Variants in ZDHHC14 observed in about 807,000 individuals in gnomAD.
ZDHHC14 encodes palmitoyltransferase ZDHHC14.
Under a neutral mutation model 47.7 loss-of-function variants are expected in ZDHHC14, and 16 were observed. The ratio of observed to expected loss-of-function variants is 0.34; its 90% CI spans 0.23 to 0.51. The LOEUF is 0.51. Among genes scored for constraint, ZDHHC14 ranks in the 20% least tolerant of loss-of-function variants. The pLI, the probability that ZDHHC14 is intolerant of heterozygous loss-of-function variation, is 0.97. For synonymous variants in ZDHHC14, 293 were observed against 278.9 expected (o/e 1.05, Z -0.50); for missense variants, 515 against 662.5 (o/e 0.78, Z 2.44).
intron 2 of ZDHHC14, among the ~76,000 whole-genome samples, chr6:157,592,343 T>C (rs905112636): frequency 2.4e-4 from 36 of 152,346 alleles, no homozygotes; most frequent in African/African-American, 8.4e-4. Context: ...TTTCAAAATA[T>C]ACATTTAATG....
intron 1 of ZDHHC14, among the ~76,000 whole-genome samples, chr6:157,496,374 C>CG (rs551683211): frequency 4.0e-5 from 6 of 151,518 alleles, no homozygotes; most frequent in Admixed American, 2.6e-4. Context: ...GGAAGTTAAC[C>CG]CCCCCCATGC....
intron 1 of ZDHHC14, among the ~76,000 whole-genome samples, chr6:157,492,206 G>GCCCCCCCCCCCCCC (rs954347593): frequency 1.2e-5 from 1 of 82,478 alleles, no homozygotes; most frequent in Non-Finnish European, 2.7e-5. Context: ...CTCCGCCCCC[G>GCCCCCCCCCCCCCC]CCCCCCAGCC....
chr6:157,547,430 G>A (rs184659975), intron 2 of ZDHHC14, among the ~76,000 whole-genome samples: 1 of 152,036 alleles, frequency 6.6e-6, no homozygotes, highest in African/African-American at 2.4e-5. Context: ...CAGGGACACA[G>A]TTCCACCCCA....
At chr6:157,588,639 G>A (rs530003129) in intron 2 of ZDHHC14, among the ~76,000 whole-genome samples, 26 of 152,324 alleles carry the variant, frequency 1.7e-4, no homozygotes, top group Admixed American at 5.2e-4. Context: ...AGTGCTCTGC[G>A]TGAAAACGCT....
At chr6:157,516,565 T>G (rs948564117) in intron 1 of ZDHHC14, among the ~76,000 whole-genome samples, 1 of 152,220 alleles carries the variant, frequency 6.6e-6, no homozygotes, top group African/African-American at 2.4e-5. Flanking sequence ...AATGAATGTC[T>G]TCATGAGGGA....
chr6:157,583,498 T>G (rs34898203), intron 2 of ZDHHC14, among the ~76,000 whole-genome samples: 43,025 of 152,010 alleles, frequency 0.28, 6,805 homozygotes, highest in East Asian at 0.51. Flanking sequence ...TGTTTTTTTT[T>G]TTGTTGGTTC....
chr6:157,392,308 C>T lies in ZDHHC14; in HGVS notation c.245+10042C>T, dbSNP rs113064836. Among the ~76,000 whole-genome samples the T allele has an allele frequency of 4.0e-3, 605 of 152,308 alleles. 3 individuals are homozygous for T. The highest frequency in any genetic ancestry group is 0.014 in the African/African-American group (593 of 41,560). ...AGTGAGGTACTTTATCATAGATCTT[C>T]ATCTCCTAGCTTAATTTGATGCTGA... On this transcript the variant is annotated intron_variant, in intron 1 of 8. Coordinates refer to ENST00000359775, the MANE Select transcript of ZDHHC14 (RefSeq NM_024630.3).
intron 3 of ZDHHC14, among the ~76,000 whole-genome samples, chr6:157,613,018 A>T (rs187872481): frequency 2.0e-5 from 3 of 152,122 alleles, no homozygotes; most frequent in African/African-American, 7.2e-5. Context: ...AGAAATGATC[A>T]TTTAAAAAAA....
intron 2 of ZDHHC14, among the ~76,000 whole-genome samples, chr6:157,557,033 C>T (rs923227352): frequency 2.6e-5 from 4 of 152,152 alleles, no homozygotes; most frequent in Non-Finnish European, 5.9e-5. Flanking sequence ...AGGGAAAGGC[C>T]GAGAGCCTGG....
At chr6:157,429,472 G>A (rs1488572261) in intron 1 of ZDHHC14, among the ~76,000 whole-genome samples, 1 of 151,886 alleles carries the variant, frequency 6.6e-6, no homozygotes, top group Admixed American at 6.6e-5. Context: ...TTCCTTGGGT[G>A]GGTATTGAGG....
chr6:157,467,999 C>T (rs999216698), intron 1 of ZDHHC14, among the ~76,000 whole-genome samples: 8 of 152,154 alleles, frequency 5.3e-5, no homozygotes, highest in Non-Finnish European at 1.2e-4. Context: ...TGTTATGTAG[C>T]ACTTTAGGCA....
At chr6:157,526,739 G>T (rs1214197126) in intron 1 of ZDHHC14, among the ~76,000 whole-genome samples, 1 of 152,216 alleles carries the variant, frequency 6.6e-6, no homozygotes, top group Admixed American at 6.5e-5. Context: ...GCCTACTTCA[G>T]CGACTGTGGG....
At chr6:157,517,427 C>T (rs1780736087) in intron 1 of ZDHHC14, among the ~76,000 whole-genome samples, 1 of 152,018 alleles carries the variant, frequency 6.6e-6, no homozygotes, top group Non-Finnish European at 1.5e-5. Flanking sequence ...TCTCCTGCCT[C>T]AGCCTCCCGA....
chr6:157,614,362 ATTT>A (rs11288647), intron 3 of ZDHHC14, among the ~76,000 whole-genome samples: 7 of 145,208 alleles, frequency 4.8e-5, no homozygotes, highest in Non-Finnish European at 6.1e-5. Context: ...TAGCTGACTG[ATTT>A]TTTTTTTTTT....
At chr6:157,438,854 TGGA>T (rs984098883) in intron 1 of ZDHHC14, among the ~76,000 whole-genome samples, 2 of 152,204 alleles carry the variant, frequency 1.3e-5, no homozygotes, top group African/African-American at 4.8e-5. Flanking sequence ...TGTTTGGCTG[TGGA>T]GGATTGCAGA....
chr6:157,530,457 G>A (rs546282423), intron 1 of ZDHHC14, among the ~76,000 whole-genome samples: 1 of 152,258 alleles, frequency 6.6e-6, no homozygotes, highest in Non-Finnish European at 1.5e-5. Flanking sequence ...AAAATGAATC[G>A]GCAGCCCCAA....
intron 3 of ZDHHC14, among the ~76,000 whole-genome samples, chr6:157,612,841 G>C (rs1259835449): frequency 1.4e-5 from 1 of 70,574 alleles, no homozygotes; most frequent in African/African-American, 6.1e-5. Flanking sequence ...TTCTCTCTTA[G>C]AGAAAAAAAA....
intron 1 of ZDHHC14, among the ~76,000 whole-genome samples, chr6:157,420,457 G>T (rs149596817): frequency 1.2e-3 from 181 of 151,376 alleles, no homozygotes; most frequent in African/African-American, 4.1e-3. Context: ...CTGAATCGAG[G>T]CACTAATGAA....
intron 1 of ZDHHC14, among the ~76,000 whole-genome samples, chr6:157,383,322 G>T (rs933377608): frequency 3.9e-5 from 6 of 152,144 alleles, no homozygotes; most frequent in African/African-American, 1.4e-4. Flanking sequence ...TTTATAGGGA[G>T]CTCTTCTTTG....
Sources: gnomAD v4.1 joint callset for allele counts (sites outside exome capture counted in the v4.1 genomes callset) on GRCh38, gnomAD v4.1.1 for gene constraint, MANE v1.5 for transcripts, NCBI Gene and HGNC (gene_info 2026-07-23, HGNC 2026-07-21) for gene names.